FBXL13: variants seen among roughly 807,000 people sequenced by gnomAD.
FBXL13 encodes F-box and leucine-rich repeat protein 13.
In FBXL13, 67 loss-of-function variants were observed where a neutral mutation model predicts 83.6. That is an observed-to-expected ratio of 0.80 (90% CI 0.66 to 0.98). FBXL13 has a LOEUF of 0.98. Ranked by LOEUF, FBXL13 falls within the 50% of genes least tolerant of loss-of-function variation. The pLI, the probability that FBXL13 is intolerant of heterozygous loss-of-function variation, is 0.00. For synonymous variants in FBXL13, 272 were observed against 299.5 expected (o/e 0.91, Z 0.95); for missense variants, 822 against 866.5 (o/e 0.95, Z 0.64).
chr7:103,028,785 T>C (rs752413873), intron 3 of FBXL13, 37 bp from the exon 5 acceptor site: 1 of 1,492,306 alleles, frequency 6.7e-7, no homozygotes, highest in East Asian at 2.5e-5. Context: ...AATAATATTT[T>C]GATATTAGGG....
intron 19 of FBXL13, 119 bp from the exon 21 acceptor site, chr7:102,813,650 C>A (rs958880031): frequency 2.1e-5 from 21 of 983,442 alleles, no homozygotes; most frequent in Non-Finnish European, 3.1e-5. Context: ...TCACATGAGA[C>A]CTCTCTTGCC....
Position 102,887,720 on chromosome 7 carries a change from T to C in FBXL13, c.1009-3408A>G, listed in dbSNP as rs1488740692. Among the ~76,000 whole-genome samples, 3 of 152,330 alleles carry C rather than the reference T, an allele frequency of 2.0e-5. No homozygotes were observed. In the East Asian group the frequency reaches 5.8e-4, roughly 29 times the overall value. ...AGGGGAGTCCACTTTACTCAAAGTC[T>C]ACTGATTTAAATGTTTATCACATCT... On this transcript the variant is annotated intron_variant, in intron 11 of 19. Transcript: ENST00000313221.
At chr7:102,899,594 G>A (rs1353007418) in intron 11 of FBXL13, among the ~76,000 whole-genome samples, 2 of 152,150 alleles carry the variant, frequency 1.3e-5, no homozygotes, top group African/African-American at 2.4e-5. Context: ...GGTTTTGTTA[G>A]GGTTACATGC....
At chr7:102,869,843 T>C (rs1279642400) in intron 16 of FBXL13, among the ~76,000 whole-genome samples, 2 of 152,204 alleles carry the variant, frequency 1.3e-5, no homozygotes, top group East Asian at 1.9e-4. Context: ...TGTGTGTCTG[T>C]TTTTTATAGA....
chr7:102,854,767 A>G lies in FBXL13; in HGVS notation c.1719+10T>C. 6.6e-7 allele frequency: 1 copy of G among 1,507,514 alleles called. No homozygotes were observed. The highest frequency in any genetic ancestry group is 2.3e-5 in the East Asian group (1 of 43,346). 93.4% of individuals were successfully genotyped at this position (1,507,514 alleles called of 1,614,324 possible). On this transcript the variant is annotated intron_variant, in intron 17 of 19. Coordinates refer to ENST00000313221, the Ensembl canonical transcript of FBXL13. ...CTTAATTCTTTAACAGATGATCTTAATGATCTTACCTGAATTCCATCATCA... is the reference window on the plus strand; with the variant it reads ...CTTAATTCTTTAACAGATGATCTTAGTGATCTTACCTGAATTCCATCATCA...
chr7:102,965,326 C>T (rs1349747019), intron 7 of FBXL13, among the ~76,000 whole-genome samples: 1 of 151,956 alleles, frequency 6.6e-6, no homozygotes, highest in East Asian at 1.9e-4. Flanking sequence ...AGTTTTTTTT[C>T]ATCTGTAAAA....
intron 6 of FBXL13, among the ~76,000 whole-genome samples, chr7:103,006,147 A>G (rs1790964613): frequency 6.6e-6 from 1 of 152,240 alleles, no homozygotes; most frequent in East Asian, 1.9e-4. Context: ...TACTTATGAT[A>G]GAAGCGGTGC....
intron 1 of FBXL13, among the ~76,000 whole-genome samples, chr7:103,059,994 T>G (rs1388434569): frequency 1.6e-5 from 2 of 121,246 alleles, no homozygotes; most frequent in Non-Finnish European, 3.3e-5. Flanking sequence ...AAATAGGCAT[T>G]CAACAGATAA....
intron 1 of FBXL13, among the ~76,000 whole-genome samples, chr7:103,059,132 T>C (rs752716963): frequency 6.6e-6 from 1 of 152,140 alleles, no homozygotes; most frequent in Non-Finnish European, 1.5e-5. Flanking sequence ...TAGCTGAGCA[T>C]GGTGGCGTGT....
At chr7:102,884,894 G>T (rs1041201273) in intron 11 of FBXL13, among the ~76,000 whole-genome samples, 1 of 152,224 alleles carries the variant, frequency 6.6e-6, no homozygotes, top group African/African-American at 2.4e-5. Context: ...TATACAATAT[G>T]TGGCCTTTTG....
At chr7:102,903,139 T>G (rs1416015232) in intron 11 of FBXL13, among the ~76,000 whole-genome samples, 1 of 152,112 alleles carries the variant, frequency 6.6e-6, no homozygotes, top group African/African-American at 2.4e-5. Context: ...CCTCTTTTAC[T>G]TTTTTGGTTA....
intron 11 of FBXL13, among the ~76,000 whole-genome samples, chr7:102,903,946 T>TTTTTTTTTTTTTTTTTTTTTTG (rs1813348341): frequency 7.0e-6 from 1 of 142,996 alleles, no homozygotes; most frequent in Admixed American, 6.9e-5. Flanking sequence ...TTTCTTTTTT[T>TTTTTTTTTTTTTTTTTTTTTTG]TTTTTTTTTT....
rs186005306 is a variant in FBXL13, at chr7:102,968,137, C to T, written c.496-20G>A. On this transcript the variant is annotated intron_variant, in intron 6 of 19. Transcript: ENST00000313221. ...GAAAATCTAAACACAAAGAAAAATACACAACTTTGAAAAATGTGAACTTTG... is the reference window on the plus strand; with the variant it reads ...GAAAATCTAAACACAAAGAAAAATATACAACTTTGAAAAATGTGAACTTTG... The T allele has an allele frequency of 4.9e-4, 764 of 1,546,050 alleles. 11 individuals are homozygous for T. The East Asian group carries it at 0.017, about 34-fold the overall frequency.
At chr7:102,982,721 C>T (rs1255162483) in intron 6 of FBXL13, among the ~76,000 whole-genome samples, 1 of 152,134 alleles carries the variant, frequency 6.6e-6, no homozygotes, top group African/African-American at 2.4e-5. Flanking sequence ...TCATTTGCAA[C>T]CATGATTGTG....
chr7:102,891,852 G>C (rs1446676068), intron 11 of FBXL13, among the ~76,000 whole-genome samples: 3 of 152,128 alleles, frequency 2.0e-5, no homozygotes, highest in African/African-American at 7.2e-5. Context: ...TACACTAATT[G>C]GTTCTTTTCC....
intron 18 of FBXL13, 44 bp from the exon 20 acceptor site, chr7:102,822,247 C>T: frequency 8.2e-6 from 13 of 1,590,850 alleles, no homozygotes; most frequent in Non-Finnish European, 1.1e-5. Context: ...CAAACACTAT[C>T]TCAGGGAAGA....
chr7:102,872,488 CT>C lies in FBXL13; in HGVS notation c.1635+4978del, dbSNP rs995338344. On this transcript the variant is annotated intron_variant, in intron 16 of 19. Transcript: ENST00000313221. ...CTGAAAATCAAGCAAATGAAAGAGTCTTTTTAAACCACTGTCTAAGCACACT... is the reference window on the plus strand; with the variant it reads ...CTGAAAATCAAGCAAATGAAAGAGTCTTTTAAACCACTGTCTAAGCACACT... 1.4e-4 allele frequency among the ~76,000 whole-genome samples: 22 copies of C among 152,170 alleles called. No individual in the cohort carries two copies. In the Middle Eastern group the frequency reaches 9.5e-3, roughly 66 times the overall value.
chr7:103,027,434 T>A lies in FBXL13; in HGVS notation c.327+15A>T. ...AACATTCGGATTCTTAAAAAATTGT[T>A]TCAATATACAATACCAGCTCATCTT... On this transcript the variant is annotated intron_variant, in intron 5 of 19. Transcript: ENST00000313221. 1.9e-6 allele frequency: 3 copies of A among 1,557,944 alleles called. No homozygotes were observed. The highest frequency in any genetic ancestry group is 2.6e-6 in the Non-Finnish European group (3 of 1,136,976).
In FBXL13 at chr7:102,892,616, C is replaced by T. The variant is rs1811674679; in HGVS notation, c.1009-8304G>A. Among the ~76,000 whole-genome samples the T allele has an allele frequency of 2.0e-5, 3 of 152,196 alleles. No individual in the cohort carries two copies. The South Asian group carries it at 6.2e-4, about 32-fold the overall frequency. ...ACTCATAACTACTTTTCCACTAGAA[C>T]TCCTCCTTATTAAATGATACTTAAA... On this transcript the variant is annotated intron_variant, in intron 11 of 19. Coordinates refer to ENST00000313221, the Ensembl canonical transcript of FBXL13.
Sources: allele counts gnomAD v4.1 joint callset (sites outside exome capture counted in the v4.1 genomes callset), GRCh38; gene constraint gnomAD v4.1.1; transcripts MANE v1.5; gene names NCBI Gene and HGNC (gene_info 2026-07-23, HGNC 2026-07-21).